Variants in MACROD2 observed in about 807,000 individuals in gnomAD.
MACROD2 encodes the protein ADP-ribose glycohydrolase MACROD2.
In MACROD2, 36 loss-of-function variants were observed where a neutral mutation model predicts 70.4. That is an observed-to-expected ratio of 0.51 (90% confidence interval 0.39 to 0.68). MACROD2 has a LOEUF of 0.68. Ranked by LOEUF, MACROD2 falls within the 30% of genes least tolerant of loss-of-function variation. The pLI, the probability that MACROD2 is intolerant of heterozygous loss-of-function variation, is 0.00. For missense variants in MACROD2, 496 were observed against 538.4 expected, an observed-to-expected ratio of 0.92 and a Z score of 0.78; for synonymous variants, 172 against 178.8, an observed-to-expected ratio of 0.96 and a Z score of 0.30.
At chr20:15,736,873 AG>A (rs1386649936) in intron 8 of MACROD2, among the ~76,000 whole-genome samples, 3 of 152,184 alleles carry the variant, frequency 2.0e-5, no homozygotes, top group Non-Finnish European at 4.4e-5. Flanking sequence ...ATTGATATTG[AG>A]GGACAATTGT....
intron 10 of MACROD2, among the ~76,000 whole-genome samples, chr20:15,914,380 G>T (rs975813983): frequency 6.6e-6 from 1 of 152,158 alleles, no homozygotes; most frequent in African/African-American, 2.4e-5. Context: ...GGAGATGGAC[G>T]TCAGAACCTG....
intron 3 of MACROD2, chr20:14,352,272 TG>T (rs2083130053): frequency 6.6e-6 from 1 of 152,164 alleles, no homozygotes; most frequent in African/African-American, 2.4e-5. Flanking sequence ...GGCGTTTGTG[TG>T]CTTTCCAGTT....
At chr20:15,088,443 ATATAT>A (rs2075768709) in intron 5 of MACROD2, among the ~76,000 whole-genome samples, 1 of 46,356 alleles carries the variant, frequency 2.2e-5, no homozygotes, top group Non-Finnish European at 4.7e-5. Context: ...ATATATATAT[ATATAT>A]ATAATATTTT....
chr20:14,241,294 A>G (rs1437932179), intron 3 of MACROD2, among the ~76,000 whole-genome samples: 1 of 152,232 alleles, frequency 6.6e-6, no homozygotes, highest in East Asian at 1.9e-4. Context: ...TCAGCCAAAA[A>G]TAAATTTACA....
At chr20:15,080,518 G>C (rs1049569952) in intron 5 of MACROD2, among the ~76,000 whole-genome samples, 1 of 151,744 alleles carries the variant, frequency 6.6e-6, no homozygotes, top group African/African-American at 2.4e-5. Context: ...CTCTTTTTCT[G>C]GTTCCTTTTG....
chr20:14,570,932 T>G (rs1980150291), intron 4 of MACROD2, among the ~76,000 whole-genome samples: 2 of 152,024 alleles, frequency 1.3e-5, no homozygotes, highest in African/African-American at 4.8e-5. Flanking sequence ...TACTTCTCCT[T>G]CATCTACCCC....
chr20:15,882,221 T>G (rs1323388079), intron 9 of MACROD2, among the ~76,000 whole-genome samples: 3 of 152,092 alleles, frequency 2.0e-5, no homozygotes, highest in African/African-American at 7.2e-5. Context: ...GAGAATCGCA[T>G]GAGAATGATT....
chr20:14,999,655 A>C (rs962884408), intron 5 of MACROD2, among the ~76,000 whole-genome samples: 2 of 152,304 alleles, frequency 1.3e-5, no homozygotes, highest in East Asian at 3.9e-4. Context: ...AGAGGAAAAG[A>C]TATACATAGA....
At chr20:14,051,962 T>TG (rs2053573338) in intron 2 of MACROD2, 1 of 515,224 alleles carries the variant, frequency 1.9e-6, no homozygotes, top group African/African-American at 1.9e-5. Context: ...GAGGATGGCA[T>TG]GGGAAAGAGT....
At chr20:14,824,574 T>C (rs1024305614) in intron 5 of MACROD2, among the ~76,000 whole-genome samples, 1 of 152,062 alleles carries the variant, frequency 6.6e-6, no homozygotes, top group Non-Finnish European at 1.5e-5. Flanking sequence ...GAGGTCTCAA[T>C]TCTCCTCACG....
intron 3 of MACROD2, among the ~76,000 whole-genome samples, chr20:14,311,977 A>C (rs2082571635): frequency 6.6e-6 from 1 of 152,204 alleles, no homozygotes. Flanking sequence ...CTCAATCAAT[A>C]TTTGGTACTG....
At chr20:14,112,815 A>G (rs2054468813) in intron 3 of MACROD2, among the ~76,000 whole-genome samples, 1 of 151,914 alleles carries the variant, frequency 6.6e-6, no homozygotes, top group Admixed American at 6.6e-5. Context: ...TAGGCACCAG[A>G]AAGAGTAGTG....
At chr20:15,838,178 C>G (rs1315623913) in intron 8 of MACROD2, among the ~76,000 whole-genome samples, 2 of 151,924 alleles carry the variant, frequency 1.3e-5, no homozygotes, top group Non-Finnish European at 2.9e-5. Flanking sequence ...GTGGTACATT[C>G]CATTCTTTCC....
chr20:15,044,103 CT>C (rs1222239721), intron 5 of MACROD2, among the ~76,000 whole-genome samples: 1 of 152,176 alleles, frequency 6.6e-6, no homozygotes, highest in Non-Finnish European at 1.5e-5. Flanking sequence ...CCTATCTCCC[CT>C]CCATGGAGGT....
rs2074154108 is a variant in MACROD2, at chr20:14,920,872, C to A, written c.418+235913C>A. Among the ~76,000 whole-genome samples, 3 of 152,236 alleles carry A rather than the reference C, an allele frequency of 2.0e-5. No individual in the cohort carries two copies. The South Asian group carries it at 6.2e-4, about 32-fold the overall frequency. ...AATATTTAATTGAGGTTCCTCCACA[C>A]ATTCACATTAGGAAAGTCACTTGGT... On this transcript the variant is annotated intron_variant, in intron 5 of 17. Coordinates refer to ENST00000684519, the MANE Select transcript of MACROD2 (RefSeq NM_001351661.2).
rs190468014 is a variant in MACROD2, at chr20:15,512,458, C to A, written c.645+12611C>A. On this transcript the variant is annotated intron_variant, in intron 8 of 17. Transcript: ENST00000684519. ...TACTAAAAATCATTAGCATACACAA[C>A]TTAATTCTTCTTTGAGTACTTATTG... 1.1e-4 allele frequency among the ~76,000 whole-genome samples: 16 copies of A among 152,138 alleles called. No homozygotes were observed. In the East Asian group the frequency reaches 2.9e-3, roughly 27 times the overall value.
chr20:15,259,539 A>G (rs1423933313), intron 6 of MACROD2, among the ~76,000 whole-genome samples: 1 of 152,168 alleles, frequency 6.6e-6, no homozygotes, highest in Middle Eastern at 3.4e-3. Context: ...AAATCAGATC[A>G]TCTGCATACT....
At chr20:14,007,752 T>C (rs1359555888) in intron 2 of MACROD2, among the ~76,000 whole-genome samples, 1 of 152,140 alleles carries the variant, frequency 6.6e-6, no homozygotes, top group East Asian at 1.9e-4. Context: ...TTGTTACACT[T>C]TTTGGATGGA....
At position 14,841,773 on chromosome 20, in the gene MACROD2, G is replaced by A. The variant is rs545959575; in HGVS notation, c.418+156814G>A. On this transcript the variant is annotated intron_variant, in intron 5 of 17. Coordinates refer to ENST00000684519, the MANE Select transcript of MACROD2 (RefSeq NM_001351661.2). Reference sequence around the variant, plus strand: ...CATTTATAAGGTGGTAATGCACCACGAAAGGAATTGCATATTTTGGGTAAT... The same window carrying A: ...CATTTATAAGGTGGTAATGCACCACAAAAGGAATTGCATATTTTGGGTAAT... Among the ~76,000 whole-genome samples, 32 of 152,146 alleles carry A rather than the reference G, an allele frequency of 2.1e-4. No homozygotes were observed. The South Asian group carries it at 6.3e-3, about 30-fold the overall frequency.
Sources: gnomAD v4.1 joint callset for allele counts (sites outside exome capture counted in the v4.1 genomes callset) on GRCh38, gnomAD v4.1.1 for gene constraint, MANE v1.5 for transcripts, NCBI Gene and HGNC (gene_info 2026-07-23, HGNC 2026-07-21) for gene names.